The following CACNA1C variants were observed in gnomAD, a reference collection of about 807,000 sequenced individuals.
The protein encoded by CACNA1C is calcium voltage-gated channel subunit alpha1 C.
CACNA1C carries 30 observed loss-of-function variants against 229.0 expected under a neutral mutation model. That is an observed-to-expected ratio of 0.13 (90% CI 0.10 to 0.18). The LOEUF (loss-of-function observed/expected upper bound fraction) is 0.18. CACNA1C is among the 10% of genes least tolerant of loss of function. CACNA1C has a pLI of 1.00. For missense variants in CACNA1C, 1,658 were observed against 2,845.0 expected (o/e 0.58, Z 9.49); for synonymous variants, 1,114 against 1,132.5 (o/e 0.98, Z 0.33).
At chr12:2,150,523 G>T (rs1207062050) in intron 3 of CACNA1C, among the ~76,000 whole-genome samples, 1 of 152,110 alleles carries the variant, frequency 6.6e-6, no homozygotes, top group Non-Finnish European at 1.5e-5. Context: ...CCCAAACAGG[G>T]CTCCCAGGCT....
chr12:2,588,842 A>G (rs2063779696), intron 18 of CACNA1C, among the ~76,000 whole-genome samples: 1 of 152,176 alleles, frequency 6.6e-6, no homozygotes, highest in Non-Finnish European at 1.5e-5. Context: ...AAGAGCCACT[A>G]AGGACTTAAA....
chr12:2,505,747 A>G (rs931886169), intron 8 of CACNA1C, among the ~76,000 whole-genome samples: 2 of 152,080 alleles, frequency 1.3e-5, no homozygotes, highest in Non-Finnish European at 2.9e-5. Flanking sequence ...TCCTCAACCC[A>G]CTTTCTTCTT....
At chr12:2,384,451 A>G (rs1282228354) in intron 3 of CACNA1C, among the ~76,000 whole-genome samples, 2 of 152,190 alleles carry the variant, frequency 1.3e-5, no homozygotes, top group Non-Finnish European at 2.9e-5. Context: ...AGCAAGAATG[A>G]GCACAATTAG....
At chr12:2,507,025 G>A (rs1032301133) in intron 8 of CACNA1C, among the ~76,000 whole-genome samples, 12 of 152,200 alleles carry the variant, frequency 7.9e-5, no homozygotes, top group African/African-American at 1.2e-4. Flanking sequence ...GCCTAAAAGC[G>A]CTAGGGTGTA....
chr12:2,128,391 A>G (rs1213811464), intron 3 of CACNA1C, among the ~76,000 whole-genome samples: 1 of 152,230 alleles, frequency 6.6e-6, no homozygotes, highest in East Asian at 1.9e-4. Flanking sequence ...GTACCAAGTT[A>G]GCCAAAGGTA....
chr12:2,396,421 C>T (rs1355147682), intron 3 of CACNA1C, among the ~76,000 whole-genome samples: 2 of 152,178 alleles, frequency 1.3e-5, no homozygotes, highest in Non-Finnish European at 2.9e-5. Flanking sequence ...TGATTTTTCT[C>T]TTTCTGTGGT....
At chr12:2,283,375 A>G (rs1412159445) in intron 3 of CACNA1C, among the ~76,000 whole-genome samples, 3 of 152,200 alleles carry the variant, frequency 2.0e-5, no homozygotes, top group Non-Finnish European at 4.4e-5. Flanking sequence ...TCTACTGAAA[A>G]TGCAGGGTAT....
chr12:2,585,407 G>T lies in CACNA1C; in HGVS notation c.2371G>T (p.Val791Leu). 6.2e-7 allele frequency: 1 copy of T among 1,612,420 alleles called. No individual in the cohort carries two copies. The highest frequency in any genetic ancestry group is 1.7e-5 in the Admixed American group (1 of 59,794). The change falls in exon 17 of 47, where the codon GTG becomes TTG. Residue 791 changes from valine (V) to leucine (L), a missense_variant. Transcript: ENST00000399655. The surrounding 1 kb of genome is among the most constrained non-coding windows in gnomAD (Gnocchi z 4.1). Reference sequence around the variant, plus strand: ...CAGCCCAGAGAAGAAACAAGAGTTGGTGGAGAAGCCGGCAGTGGGGGAATC... The same window carrying T: ...CAGCCCAGAGAAGAAACAAGAGTTGTTGGAGAAGCCGGCAGTGGGGGAATC... ...TASPEKKQEL[V>L]EKPAVGESKE...
At position 2,493,448 on chromosome 12, in the gene CACNA1C, C is replaced by A. The variant is rs117324460; in HGVS notation, c.1113+62C>A. 418 of 1,268,476 alleles carry A rather than the reference C, an allele frequency of 3.3e-4. 5 individuals are homozygous for A. The East Asian group carries it at 9.7e-3, about 30-fold the overall frequency. 78.6% of individuals were successfully genotyped at this position (1,268,476 alleles called of 1,614,324 possible). A position where few individuals can be genotyped will look rare whatever the true frequency, so the allele number is the denominator to read the frequency against. ...ACAGCGGCCGTGAACCCTTCCCTGA[C>A]ACCTCCCTTTCTCCTCCTCCCCATG... is the stretch of plus-strand genomic sequence containing the variant. On this transcript the variant is annotated intron_variant, in intron 7 of 46. Transcript: ENST00000399655. The surrounding 1 kb of genome is among the most constrained non-coding windows in gnomAD (Gnocchi z 4.6).
rs375896273 is a variant in CACNA1C at position 2,639,996 on chromosome 12, A to C, written c.3912+5616A>C. Among the ~76,000 whole-genome samples, 3 of 152,312 alleles carry C rather than the reference A, an allele frequency of 2.0e-5. No individual in the cohort carries two copies. Among genetic ancestry groups the C allele is most frequent in the East Asian group, 3.9e-4 (2 of 5,170 alleles). On this transcript the variant is annotated intron_variant, in intron 30 of 46. Transcript: ENST00000399655. The surrounding 1 kb of genome is among the most constrained non-coding windows in gnomAD (Gnocchi z 4.2). Reference sequence around the variant, plus strand: ...TTGCTGGAGGCTTTGCACGATGCACAGGAGTGTCCAGAGCAGGGAAATAAA... The same window carrying C: ...TTGCTGGAGGCTTTGCACGATGCACCGGAGTGTCCAGAGCAGGGAAATAAA...
intron 4 of CACNA1C, among the ~76,000 whole-genome samples, chr12:2,449,433 T>C (rs1383764776): frequency 1.3e-5 from 2 of 152,208 alleles, no homozygotes; most frequent in East Asian, 1.9e-4. Flanking sequence ...TCCACCCTAG[T>C]GTGCACTCCT....
rs115386730 is a variant in CACNA1C at position 2,485,730 on chromosome 12, G to A, written c.758-374G>A. Reference sequence around the variant, plus strand: ...AGGATAAATGAGTCCCTGCAGGGCCGTCTTGAGTCCACATGAGCTCTCACT... The same window carrying A: ...AGGATAAATGAGTCCCTGCAGGGCCATCTTGAGTCCACATGAGCTCTCACT... On this transcript the variant is annotated intron_variant, in intron 5 of 46. Coordinates refer to ENST00000399655, the MANE Select transcript of CACNA1C (RefSeq NM_000719.7). Among the ~76,000 whole-genome samples the A allele has an allele frequency of 2.0e-3, 307 of 152,302 alleles. 1 individual carries two copies. Among genetic ancestry groups the A allele is most frequent in the African/African-American group, 7.1e-3 (297 of 41,560 alleles).
chr12:2,669,047 C>A lies in CACNA1C; in HGVS notation c.4726+12C>A. 6.4e-7 allele frequency: 1 copy of A among 1,563,298 alleles called. No individual in the cohort carries two copies. Among genetic ancestry groups the A allele is most frequent in the Non-Finnish European group, 8.8e-7 (1 of 1,133,644 alleles). ...GATCAAAACAGAAGGTAAGGTCGCC[C>A]GTGGGCACTGGGAGAGACACTCAGA... On this transcript the variant is annotated intron_variant, in intron 38 of 46. Coordinates refer to ENST00000399655, the MANE Select transcript of CACNA1C (RefSeq NM_000719.7).
chr12:2,112,406 G>T lies in CACNA1C; in HGVS notation c.50-2818G>T, dbSNP rs183313474. On this transcript the variant is annotated intron_variant, in intron 1 of 46. Transcript: ENST00000399655. Reference sequence around the variant, plus strand: ...GGACGAGTTACAGGAGAGATGAGACGTCTCATTGTAGGGAGTGTCACGTCC... The same window carrying T: ...GGACGAGTTACAGGAGAGATGAGACTTCTCATTGTAGGGAGTGTCACGTCC... 6.6e-5 allele frequency among the ~76,000 whole-genome samples: 10 copies of T among 151,588 alleles called. No individual in the cohort carries two copies. In the East Asian group the frequency reaches 1.8e-3, roughly 27 times the overall value.
chr12:2,661,030 G>A (rs1381044557), intron 34 of CACNA1C: 1 of 151,996 alleles, frequency 6.6e-6, no homozygotes, highest in African/African-American at 2.4e-5. Context: ...GGCTGAGGTG[G>A]GAGGATCAGT....
At chr12:2,037,196 TG>T (rs1306229829) in intron 1 of CACNA1C, among the ~76,000 whole-genome samples, 5 of 152,220 alleles carry the variant, frequency 3.3e-5, no homozygotes, top group Non-Finnish European at 7.3e-5. Context: ...AGCCAACGAC[TG>T]GATCACATCA....
At chr12:2,336,022 C>CAA (rs34731308) in intron 3 of CACNA1C, among the ~76,000 whole-genome samples, 16 of 92,532 alleles carry the variant, frequency 1.7e-4, no homozygotes, top group South Asian at 3.3e-4. Context: ...AAAACAACTC[C>CAA]AAAAAAAAAA....
intron 3 of CACNA1C, among the ~76,000 whole-genome samples, chr12:2,240,948 G>A (rs2069792911): frequency 6.6e-6 from 1 of 152,078 alleles, no homozygotes; most frequent in South Asian, 2.1e-4. Flanking sequence ...CAGGGATTAT[G>A]CTTGCATCTT....
Position 2,536,728 on chromosome 12 carries a change from T to C in CACNA1C, c.1391-13215T>C, listed in dbSNP as rs561557872. Among the ~76,000 whole-genome samples the C allele has an allele frequency of 5.3e-5, 8 of 152,164 alleles. No homozygotes were observed. In the South Asian group the frequency reaches 1.2e-3, roughly 24 times the overall value. The stretch of plus-strand genomic sequence containing the variant: ...CCTGTGGTCCCAGCTACTCTCAAGG[T>C]TGTGGTGGGAGGATCACTTGAGACT... On this transcript the variant is annotated intron_variant, in intron 9 of 46. Coordinates refer to ENST00000399655, the MANE Select transcript of CACNA1C (RefSeq NM_000719.7).
Sources: allele counts gnomAD v4.1 joint callset (sites outside exome capture counted in the v4.1 genomes callset), GRCh38; gene constraint gnomAD v4.1.1; non-coding constraint Gnocchi (gnomAD v3.1); transcripts MANE v1.5; gene names NCBI Gene and HGNC (gene_info 2026-07-23, HGNC 2026-07-21).